The following HS3ST4 variants were observed in gnomAD, a reference collection of about 807,000 sequenced individuals.
HS3ST4 encodes heparan sulfate-glucosamine 3-sulfotransferase 4.
In HS3ST4, 17 loss-of-function variants were observed where a neutral mutation model predicts 29.2. The ratio of observed to expected loss-of-function variants is 0.58; its 90% CI spans 0.40 to 0.87. The LOEUF (loss-of-function observed/expected upper bound fraction) is 0.87, where lower values mean the gene tolerates loss of function less well. Among genes scored for constraint, HS3ST4 ranks in the 40% least tolerant of loss-of-function variants. The pLI is 0.00. For missense variants in HS3ST4, 627 were observed against 634.5 expected, an observed-to-expected ratio of 0.99 and a Z score of 0.13; for synonymous variants, 314 against 285.7, an observed-to-expected ratio of 1.10 and a Z score of -1.00.
rs960575438 is a variant in HS3ST4 at position 25,897,040 on chromosome 16, C to G, written c.734+203889C>G. On this transcript the variant is annotated intron_variant, in intron 1 of 1. Coordinates refer to ENST00000331351, the MANE Select transcript of HS3ST4 (RefSeq NM_006040.3). ...GGAACACGGGTTGAAAAACTGCCTA[C>G]TGGGTACTGTGTTCACTTGCTGAGT... Among the ~76,000 whole-genome samples the G allele has an allele frequency of 2.6e-5, 4 of 152,172 alleles. No homozygotes were observed. In the East Asian group the frequency reaches 7.7e-4, roughly 29 times the overall value.
At chr16:25,902,540 A>G (rs564714636) in intron 1 of HS3ST4, among the ~76,000 whole-genome samples, 21 of 152,226 alleles carry the variant, frequency 1.4e-4, no homozygotes, top group Non-Finnish European at 1.3e-4. Flanking sequence ...TATTTTGGAT[A>G]TGAAGTAGCA....
At chr16:25,890,062 T>G (rs1967992820) in intron 1 of HS3ST4, among the ~76,000 whole-genome samples, 1 of 152,218 alleles carries the variant, frequency 6.6e-6, no homozygotes, top group Non-Finnish European at 1.5e-5. Flanking sequence ...GTTAGCAGCA[T>G]GAGAACAGAT....
intron 1 of HS3ST4, among the ~76,000 whole-genome samples, chr16:26,104,019 GT>G (rs746471610): frequency 6.6e-6 from 1 of 152,108 alleles, no homozygotes; most frequent in Non-Finnish European, 1.5e-5. Context: ...CCATAAAAAT[GT>G]TTTTTTAAAA....
chr16:25,938,266 G>T (rs1386283929), intron 1 of HS3ST4, among the ~76,000 whole-genome samples: 1 of 152,182 alleles, frequency 6.6e-6, no homozygotes, highest in Non-Finnish European at 1.5e-5. Context: ...AAGCTCTCCG[G>T]AACAGCTGGG....
At chr16:26,134,689 C>A (rs1898257572) in intron 1 of HS3ST4, among the ~76,000 whole-genome samples, 1 of 152,118 alleles carries the variant, frequency 6.6e-6, no homozygotes, top group Admixed American at 6.5e-5. Flanking sequence ...AGATATAATT[C>A]AATTTGCTGA....
Position 25,956,374 on chromosome 16 carries a change from A to G in HS3ST4, c.735-179238A>G, listed in dbSNP as rs117868461. Reference sequence around the variant, plus strand: ...CCCAGAAGTTGTTCTTGTTTGCTCTATGTTGATAGAATCTTATTTAGGGGA... The same window carrying G: ...CCCAGAAGTTGTTCTTGTTTGCTCTGTGTTGATAGAATCTTATTTAGGGGA... On this transcript the variant is annotated intron_variant, in intron 1 of 1. Coordinates refer to ENST00000331351, the MANE Select transcript of HS3ST4 (RefSeq NM_006040.3). 1.3e-3 allele frequency among the ~76,000 whole-genome samples: 202 copies of G among 152,264 alleles called. No homozygotes were observed. The East Asian group carries it at 0.019, about 15-fold the overall frequency.
At chr16:25,807,450 GATTCCCTGGTGATAC>G (rs1446247309) in intron 1 of HS3ST4, among the ~76,000 whole-genome samples, 1 of 152,126 alleles carries the variant, frequency 6.6e-6, no homozygotes, top group Non-Finnish European at 1.5e-5. Flanking sequence ...TATTCAACAT[GATTCCCTGGTGATAC>G]ATTCAAGTTG....
At chr16:25,953,769 CAATTCTGGGTGTGTTCATGAACA>C (rs530417861) in intron 1 of HS3ST4, among the ~76,000 whole-genome samples, 1 of 152,242 alleles carries the variant, frequency 6.6e-6, no homozygotes, top group African/African-American at 2.4e-5. Flanking sequence ...GGAAGGATGC[CAATTCTGGGTGTGTTCATGAACA>C]AATTATATTG....
At chr16:25,934,464 G>A (rs8062993) in intron 1 of HS3ST4, among the ~76,000 whole-genome samples, 82,913 of 152,046 alleles carry the variant, frequency 0.55, 23,403 homozygotes, top group African/African-American at 0.61. Flanking sequence ...TTGAGAAAGA[G>A]CATTAATGAT....
At chr16:25,991,690 C>T (rs1969114706) in intron 1 of HS3ST4, among the ~76,000 whole-genome samples, 1 of 152,202 alleles carries the variant, frequency 6.6e-6, no homozygotes, top group Non-Finnish European at 1.5e-5. Context: ...TCTCATGAGA[C>T]TGGCTAAAAT....
chr16:26,032,465 TA>T, intron 1 of HS3ST4: 1 of 975,658 alleles, frequency 1.0e-6, no homozygotes, highest in Non-Finnish European at 1.6e-6. Context: ...CACATTTTTA[TA>T]AAACTTGATA....
chr16:26,084,598 A>T (rs2141784954), intron 1 of HS3ST4, among the ~76,000 whole-genome samples: 1 of 152,180 alleles, frequency 6.6e-6, no homozygotes, highest in South Asian at 2.1e-4. Flanking sequence ...GTGCCAATCA[A>T]ATGGTTGAAA....
At chr16:25,807,194 G>A (rs1488081448) in intron 1 of HS3ST4, among the ~76,000 whole-genome samples, 1 of 151,972 alleles carries the variant, frequency 6.6e-6, no homozygotes, top group Admixed American at 6.6e-5. Flanking sequence ...GGCTGGTCTC[G>A]AACTCCTGAC....
intron 1 of HS3ST4, among the ~76,000 whole-genome samples, chr16:25,770,911 T>C (rs1966841077): frequency 6.6e-6 from 1 of 152,170 alleles, no homozygotes; most frequent in Non-Finnish European, 1.5e-5. Context: ...TTTATACACA[T>C]TGTCACTTTG....
At chr16:26,090,113 T>A (rs2141788699) in intron 1 of HS3ST4, among the ~76,000 whole-genome samples, 1 of 152,316 alleles carries the variant, frequency 6.6e-6, no homozygotes, top group Non-Finnish European at 1.5e-5. Flanking sequence ...CTTCCTCCAT[T>A]TCTGTCCCCT....
chr16:25,966,107 A>G (rs11074735), intron 1 of HS3ST4, among the ~76,000 whole-genome samples: 12,819 of 152,248 alleles, frequency 0.084, 726 homozygotes, highest in Non-Finnish European at 0.12. Flanking sequence ...TTTAATTTTC[A>G]TAGGAATCCA....
chr16:25,924,808 C>A (rs941919948), intron 1 of HS3ST4, among the ~76,000 whole-genome samples: 7 of 152,138 alleles, frequency 4.6e-5, no homozygotes, highest in Non-Finnish European at 8.8e-5. Context: ...GACTGATGAG[C>A]AACTAACCTC....
At chr16:25,958,989 G>A (rs1968766059) in intron 1 of HS3ST4, among the ~76,000 whole-genome samples, 1 of 152,222 alleles carries the variant, frequency 6.6e-6, no homozygotes, top group Admixed American at 6.5e-5. Flanking sequence ...CACACAGCAA[G>A]TCAATACACT....
At chr16:26,080,263 A>G (rs1898710164) in intron 1 of HS3ST4, among the ~76,000 whole-genome samples, 1 of 152,144 alleles carries the variant, frequency 6.6e-6, no homozygotes, top group Non-Finnish European at 1.5e-5. Context: ...TTGCTGCTAG[A>G]AAATGGCAGC....
Sources: allele counts gnomAD v4.1 joint callset (sites outside exome capture counted in the v4.1 genomes callset), GRCh38; gene constraint gnomAD v4.1.1; transcripts MANE v1.5; gene names NCBI Gene and HGNC (gene_info 2026-07-23, HGNC 2026-07-21).